Variants in L3MBTL4 observed in about 807,000 individuals in gnomAD.
L3MBTL4 encodes lethal(3)malignant brain tumor-like protein 4.
In L3MBTL4, 70 loss-of-function variants were observed where a neutral mutation model predicts 84.5. The ratio of observed to expected loss-of-function variants is 0.83; its 90% confidence interval spans 0.68 to 1.01. The LOEUF is 1.01. Among genes scored for constraint, L3MBTL4 ranks in the 50% least tolerant of loss-of-function variants. L3MBTL4 has a pLI of 0.00. For missense variants in L3MBTL4, 715 were observed against 754.8 expected (o/e 0.95, Z 0.62); for synonymous variants, 274 against 259.8 (o/e 1.05, Z -0.52).
At chr18:6,185,960 C>CTATTTATTTTATTTTATTTTT (rs976327212) in intron 12 of L3MBTL4, among the ~76,000 whole-genome samples, 1 of 145,786 alleles carries the variant, frequency 6.9e-6, no homozygotes, top group African/African-American at 2.7e-5. Flanking sequence ...AGGGCACTTT[C>CTATTTATTTTATTTTATTTTT]TTTATTTTAT....
chr18:6,356,564 G>C (rs887671470), intron 1 of L3MBTL4: 2 of 152,236 alleles, frequency 1.3e-5, no homozygotes, highest in Non-Finnish European at 2.9e-5. Context: ...ATGGCTCCTA[G>C]TCTACAAACC....
chr18:6,332,168 A>C (rs1271938325), intron 1 of L3MBTL4, among the ~76,000 whole-genome samples: 2 of 152,204 alleles, frequency 1.3e-5, no homozygotes, highest in African/African-American at 4.8e-5. Context: ...ATAATTTGAA[A>C]GCAGGGAAAT....
intron 16 of L3MBTL4, among the ~76,000 whole-genome samples, chr18:6,055,503 T>C (rs780944317): frequency 6.6e-5 from 10 of 152,026 alleles, no homozygotes; most frequent in South Asian, 2.1e-4. Flanking sequence ...GATTGATTGA[T>C]TGACTGATTG....
intron 1 of L3MBTL4, among the ~76,000 whole-genome samples, chr18:6,382,394 C>G (rs2054627487): frequency 6.6e-6 from 1 of 152,134 alleles, no homozygotes; most frequent in Non-Finnish European, 1.5e-5. Flanking sequence ...AGTTGTGATC[C>G]TTTGGGGAAG....
At chr18:6,269,145 G>A (rs1303584183) in intron 4 of L3MBTL4, among the ~76,000 whole-genome samples, 1 of 152,184 alleles carries the variant, frequency 6.6e-6, no homozygotes, top group East Asian at 1.9e-4. Flanking sequence ...GCTCATGGAT[G>A]GTGGCTTTGT....
chr18:6,261,677 A>G (rs1313468933), intron 5 of L3MBTL4, among the ~76,000 whole-genome samples: 5 of 152,204 alleles, frequency 3.3e-5, no homozygotes, highest in African/African-American at 9.6e-5. Context: ...CAGAAATCCC[A>G]CGTGTGTTCT....
chr18:6,321,433 G>A (rs117954610), intron 1 of L3MBTL4, among the ~76,000 whole-genome samples: 3 of 152,230 alleles, frequency 2.0e-5, no homozygotes, highest in Non-Finnish European at 4.4e-5. Context: ...TGTGGATGTG[G>A]TGGAAAGAGG....
intron 13 of L3MBTL4, among the ~76,000 whole-genome samples, chr18:6,165,591 C>G (rs372503312): frequency 2.0e-5 from 3 of 152,144 alleles, no homozygotes; most frequent in African/African-American, 4.8e-5. Context: ...AGCTTCATAA[C>G]TGAAGGAGAA....
chr18:6,269,534 A>G (rs2048778749), intron 4 of L3MBTL4, among the ~76,000 whole-genome samples: 1 of 152,202 alleles, frequency 6.6e-6, no homozygotes, highest in Non-Finnish European at 1.5e-5. Flanking sequence ...AAAAATTAAG[A>G]TGTTACAATT....
At chr18:6,078,381 C>T (rs1378403859) in intron 16 of L3MBTL4, among the ~76,000 whole-genome samples, 5 of 124,634 alleles carry the variant, frequency 4.0e-5, no homozygotes, top group Non-Finnish European at 7.8e-5. Flanking sequence ...GAGCCAAGGT[C>T]GCGCCACTGC....
chr18:6,328,137 C>A (rs341173), intron 1 of L3MBTL4, among the ~76,000 whole-genome samples: 41,756 of 152,152 alleles, frequency 0.27, 7,514 homozygotes, highest in African/African-American at 0.52. Flanking sequence ...CTATCTCCAA[C>A]ATGTAACACC....
chr18:6,167,445 T>C (rs2043731435), intron 13 of L3MBTL4, among the ~76,000 whole-genome samples: 1 of 152,130 alleles, frequency 6.6e-6, no homozygotes, highest in Admixed American at 6.6e-5. Flanking sequence ...ACTGGCAAAG[T>C]GAATCCAGCA....
chr18:6,121,728 G>GTC (rs1176135446), intron 14 of L3MBTL4, among the ~76,000 whole-genome samples: 15 of 151,072 alleles, frequency 9.9e-5, no homozygotes, highest in African/African-American at 3.2e-4. Context: ...GTATGTGTGT[G>GTC]TGCATGTTTG....
intron 12 of L3MBTL4, among the ~76,000 whole-genome samples, chr18:6,208,455 A>C (rs965783248): frequency 2.6e-5 from 4 of 152,152 alleles, no homozygotes; most frequent in Non-Finnish European, 5.9e-5. Context: ...TGTTGAAGAG[A>C]CTCAATTTAT....
chr18:6,216,660 T>G (rs1369883753), intron 10 of L3MBTL4, among the ~76,000 whole-genome samples: 1 of 152,206 alleles, frequency 6.6e-6, no homozygotes, highest in Non-Finnish European at 1.5e-5. Flanking sequence ...CTGCCATTGT[T>G]GCCACTAAAT....
chr18:6,290,976 A>G (rs2049839389), intron 4 of L3MBTL4, among the ~76,000 whole-genome samples: 1 of 152,200 alleles, frequency 6.6e-6, no homozygotes, highest in Non-Finnish European at 1.5e-5. Flanking sequence ...AATTTTAAGG[A>G]ACAAGTCTTG....
chr18:6,020,262 G>A (rs934184317), intron 16 of L3MBTL4, among the ~76,000 whole-genome samples: 1 of 152,258 alleles, frequency 6.6e-6, no homozygotes, highest in East Asian at 1.9e-4. Flanking sequence ...CCAGGCTGAG[G>A]TGAGAGGGCT....
rs939815086 is a variant in L3MBTL4 at position 6,001,290 on chromosome 18, G to C, written c.1445-31728C>G. 2.0e-5 allele frequency among the ~76,000 whole-genome samples: 3 copies of C among 152,154 alleles called. 1 individual carries two copies. Among genetic ancestry groups the C allele is most frequent in the Non-Finnish European group, 4.4e-5 (3 of 68,034 alleles). ...ATTTCCGTCCAGTTTTCCCCTTCTG[G>C]GGAGCCAAACATTTAAGGATTAGCA... On this transcript the variant is annotated intron_variant, in intron 16 of 18. Transcript: ENST00000317931.
At chr18:6,084,451 A>C (rs1034333881) in intron 15 of L3MBTL4, among the ~76,000 whole-genome samples, 5 of 152,304 alleles carry the variant, frequency 3.3e-5, no homozygotes, top group African/African-American at 4.8e-5. Flanking sequence ...TTCAAAAAAC[A>C]CACGGAATGT....
Sources: allele counts gnomAD v4.1 joint callset (sites outside exome capture counted in the v4.1 genomes callset), GRCh38; gene constraint gnomAD v4.1.1; transcripts MANE v1.5; gene names NCBI Gene and HGNC (gene_info 2026-07-23, HGNC 2026-07-21).